GAB2: variants seen among roughly 807,000 people sequenced by gnomAD.
GAB2 encodes the protein GRB2 associated binding protein 2, also known as GRB2-associated-binding protein 2.
Under a neutral mutation model 65.5 loss-of-function variants are expected in GAB2, and 26 were observed. The observed-to-expected ratio is 0.40, with a 90% CI of 0.29 to 0.55. The LOEUF is 0.55. Among genes scored for constraint, GAB2 ranks in the 20% least tolerant of loss-of-function variants. GAB2 has a pLI of 0.53. For missense variants in GAB2, 884 were observed against 875.8 expected, an observed-to-expected ratio of 1.01 and a Z score of -0.12; for synonymous variants, 321 against 329.6, an observed-to-expected ratio of 0.97 and a Z score of 0.28.
In GAB2 at chr11:78,321,657, A is replaced by T. The variant is rs574728962; in HGVS notation, c.76-40756T>A. Among the ~76,000 whole-genome samples the T allele has an allele frequency of 1.3e-3, 200 of 152,318 alleles. 1 individual carries two copies. The highest frequency in any genetic ancestry group is 1.1e-3 in the Non-Finnish European group (75 of 68,016). ...GATTTAACAAAAGTTCAGTTTTGGG[A>T]AACTTTTGAAAAGTACTCTACTTGC... is the stretch of plus-strand genomic sequence containing the variant. On this transcript the variant is annotated intron_variant, in intron 1 of 9. Coordinates refer to ENST00000361507, the MANE Select transcript of GAB2 (RefSeq NM_080491.3).
intron 1 of GAB2, among the ~76,000 whole-genome samples, chr11:78,315,286 C>T (rs184243895): frequency 5.3e-4 from 81 of 152,292 alleles, no homozygotes; most frequent in Non-Finnish European, 1.0e-3. Context: ...TGGCTTTCCC[C>T]CCTTTTTAAT....
At chr11:78,300,048 C>G (rs1397930928) in intron 1 of GAB2, among the ~76,000 whole-genome samples, 1 of 152,156 alleles carries the variant, frequency 6.6e-6, no homozygotes, top group African/African-American at 2.4e-5. Context: ...ATCTAACCAC[C>G]ACTTCAATCA....
At chr11:78,376,485 G>C (rs1856632650) in intron 1 of GAB2, among the ~76,000 whole-genome samples, 1 of 152,196 alleles carries the variant, frequency 6.6e-6, no homozygotes, top group Admixed American at 6.5e-5. Flanking sequence ...TGCCTAGTTA[G>C]TAAGTAATGG....
chr11:78,384,885 C>T (rs146202716), intron 1 of GAB2, among the ~76,000 whole-genome samples: 85 of 152,316 alleles, frequency 5.6e-4, no homozygotes, highest in African/African-American at 1.8e-3. Flanking sequence ...CACCTAAGCT[C>T]ATCTGGCCTG....
At chr11:78,413,307 T>G (rs1033441952) in intron 1 of GAB2, among the ~76,000 whole-genome samples, 2 of 152,106 alleles carry the variant, frequency 1.3e-5, no homozygotes, top group Non-Finnish European at 1.5e-5. Context: ...ATAAAGGAGC[T>G]TCAACCTTTA....
intron 1 of GAB2, among the ~76,000 whole-genome samples, chr11:78,356,535 C>A (rs191333259): frequency 3.3e-5 from 5 of 152,272 alleles, no homozygotes; most frequent in African/African-American, 1.2e-4. Flanking sequence ...AAATTATGTT[C>A]TTTCTGGTTG....
At chr11:78,411,966 G>A (rs1331789712) in intron 1 of GAB2, among the ~76,000 whole-genome samples, 2 of 151,952 alleles carry the variant, frequency 1.3e-5, no homozygotes, top group African/African-American at 4.8e-5. Context: ...GGAGGCAGAG[G>A]TTGCAGTGAG....
chr11:78,248,574 C>G (rs1489537810), intron 3 of GAB2, among the ~76,000 whole-genome samples: 1 of 152,134 alleles, frequency 6.6e-6, no homozygotes, highest in Non-Finnish European at 1.5e-5. Flanking sequence ...TTATCTGCTC[C>G]CAGGCAGTTG....
At chr11:78,416,469 G>C (rs922033411) in intron 1 of GAB2, among the ~76,000 whole-genome samples, 28 of 152,182 alleles carry the variant, frequency 1.8e-4, no homozygotes, top group African/African-American at 6.8e-4. Flanking sequence ...TCCCCCCATG[G>C]ACAGCCACTG....
At chr11:78,355,024 G>A (rs552317984) in intron 1 of GAB2, among the ~76,000 whole-genome samples, 1 of 152,310 alleles carries the variant, frequency 6.6e-6, no homozygotes, top group East Asian at 1.9e-4. Context: ...TATTTTCAAA[G>A]GCAAACCACC....
chr11:78,317,302 G>C (rs949436970), intron 1 of GAB2, among the ~76,000 whole-genome samples: 1 of 152,108 alleles, frequency 6.6e-6, no homozygotes, highest in Non-Finnish European at 1.5e-5. Flanking sequence ...AGTGGCTCAC[G>C]CCTGTAATCC....
intron 3 of GAB2, chr11:78,232,035 C>T (rs1864864748): frequency 6.6e-6 from 1 of 152,228 alleles, no homozygotes; most frequent in Admixed American, 6.5e-5. Flanking sequence ...ATCTCAAACC[C>T]TTCTGGCTGC....
At chr11:78,332,659 C>T (rs987297959) in intron 1 of GAB2, among the ~76,000 whole-genome samples, 2 of 152,164 alleles carry the variant, frequency 1.3e-5, no homozygotes, top group Non-Finnish European at 2.9e-5. Context: ...CAATGGCATG[C>T]AGGAAATTTA....
chr11:78,338,898 C>G (rs1472696761), intron 1 of GAB2, among the ~76,000 whole-genome samples: 1 of 152,062 alleles, frequency 6.6e-6, no homozygotes, highest in Non-Finnish European at 1.5e-5. Context: ...ACATACTGGT[C>G]ATCTTCTCCT....
intron 1 of GAB2, among the ~76,000 whole-genome samples, chr11:78,397,982 T>C (rs1856922651): frequency 6.7e-6 from 1 of 148,406 alleles, no homozygotes; most frequent in Non-Finnish European, 1.5e-5. Flanking sequence ...GCTCAGGAGT[T>C]TGAGGCTGTA....
At chr11:78,300,695 G>GTTTTTTTTTTTTTTTTTTTTTTTT (rs769243672) in intron 1 of GAB2, among the ~76,000 whole-genome samples, 3 of 113,250 alleles carry the variant, frequency 2.6e-5, no homozygotes, top group Non-Finnish European at 3.6e-5. Flanking sequence ...GTTTTTTTTT[G>GTTTTTTTTTTTTTTTTTTTTTTTT]TTTTTTTTTT....
chr11:78,319,815 C>T (rs1855686832), intron 1 of GAB2, among the ~76,000 whole-genome samples: 2 of 152,012 alleles, frequency 1.3e-5, no homozygotes, highest in Admixed American at 1.3e-4. Flanking sequence ...GTAAACAAAA[C>T]AGACATGGTC....
At chr11:78,271,631 T>C (rs1166944583) in intron 2 of GAB2, among the ~76,000 whole-genome samples, 1 of 152,190 alleles carries the variant, frequency 6.6e-6, no homozygotes, top group Non-Finnish European at 1.5e-5. Context: ...ACAGTCTCCA[T>C]CTGCCACAAA....
At chr11:78,321,023 ACTTACAGGTTTCTAG>A (rs1224118406) in intron 1 of GAB2, among the ~76,000 whole-genome samples, 2 of 152,140 alleles carry the variant, frequency 1.3e-5, no homozygotes, top group African/African-American at 2.4e-5. Context: ...GTGAAGAATG[ACTTACAGGTTTCTAG>A]CTTGAGCCAA....
Sources: gnomAD v4.1 joint callset for allele counts (sites outside exome capture counted in the v4.1 genomes callset) on GRCh38, gnomAD v4.1.1 for gene constraint, MANE v1.5 for transcripts, NCBI Gene and HGNC (gene_info 2026-07-23, HGNC 2026-07-21) for gene names.